MYOCOS: variants seen among roughly 807,000 people sequenced by gnomAD.
The protein encoded by MYOCOS is myocilin opposite strand protein.
chr1:171,612,470 C>G (rs1572203076), intron 1 of MYOCOS, among the ~76,000 whole-genome samples: 1 of 152,058 alleles, frequency 6.6e-6, no homozygotes, highest in Admixed American at 6.6e-5. Flanking sequence ...TGGGGGGAAG[C>G]AGAAAGACTT....
chr1:171,625,618 A>C (rs1363857803), intron 2 of MYOCOS, among the ~76,000 whole-genome samples: 1 of 152,158 alleles, frequency 6.6e-6, no homozygotes, highest in Non-Finnish European at 1.5e-5. Flanking sequence ...CCTGAGGAGG[A>C]TGGGGAGACT....
At chr1:171,617,883 G>T (rs541471262), upstream of MYOCOS, among the ~76,000 whole-genome samples, 1 of 152,310 alleles carries the variant, frequency 6.6e-6, no homozygotes, top group African/African-American at 2.4e-5. Flanking sequence ...TGCTGGAGTG[G>T]AAGGGTTGGC....
At chr1:171,623,708 G>A (rs1235036501) in intron 1 of MYOCOS, 133 bp from the exon 2 acceptor site, 3 of 395,612 alleles carry the variant, frequency 7.6e-6, no homozygotes, top group Middle Eastern at 6.3e-4. Context: ...GGGGGATGAA[G>A]GCCAGGCTGT....
At chr1:171,619,328 G>A (rs1652512010), upstream of MYOCOS, among the ~76,000 whole-genome samples, 1 of 152,136 alleles carries the variant, frequency 6.6e-6, no homozygotes, top group Non-Finnish European at 1.5e-5. Flanking sequence ...TAAGCTTCAT[G>A]TTTAGAGGTC....
intron 2 of MYOCOS, among the ~76,000 whole-genome samples, chr1:171,624,427 G>A (rs991312716): frequency 1.1e-4 from 14 of 128,418 alleles, no homozygotes; most frequent in South Asian, 2.7e-4. Flanking sequence ...GTGCCACCAC[G>A]TCTGGTTAAT....
chr1:171,617,288 T>C (rs1652467813), upstream of MYOCOS, among the ~76,000 whole-genome samples: 1 of 152,110 alleles, frequency 6.6e-6, no homozygotes, highest in Admixed American at 6.5e-5. Flanking sequence ...ACCCTGAGCA[T>C]GATAAGTGGT....
chr1:171,602,043 A>T (rs1055791890), intron 1 of MYOCOS, among the ~76,000 whole-genome samples: 7 of 144,660 alleles, frequency 4.8e-5, no homozygotes, highest in Non-Finnish European at 9.2e-5. Flanking sequence ...AGTTTGCTTT[A>T]AAAAAAAAAA....
At chr1:171,615,992 T>C (rs1246785137) in intron 2 of MYOCOS, among the ~76,000 whole-genome samples, 1 of 152,026 alleles carries the variant, frequency 6.6e-6, no homozygotes. Flanking sequence ...CCGAGGCAGG[T>C]GGATCACTTG....
chr1:171,625,886 T>C (rs539675421), intron 2 of MYOCOS, among the ~76,000 whole-genome samples: 3 of 151,970 alleles, frequency 2.0e-5, no homozygotes, highest in African/African-American at 7.2e-5. Flanking sequence ...GATGGAGGAG[T>C]GAGGGTGCAG....
chr1:171,610,475 C>T (rs780189561), intron 1 of MYOCOS, among the ~76,000 whole-genome samples: 3 of 152,092 alleles, frequency 2.0e-5, no homozygotes, highest in Non-Finnish European at 2.9e-5. Context: ...TTTAGAGTTC[C>T]GGAGGCTGGG....
At chr1:171,625,554 C>T (rs962320667) in intron 2 of MYOCOS, among the ~76,000 whole-genome samples, 4 of 152,206 alleles carry the variant, frequency 2.6e-5, no homozygotes, top group African/African-American at 7.2e-5. Context: ...AAATCTGAAC[C>T]TGTAAAAGCT....
upstream of MYOCOS, among the ~76,000 whole-genome samples, chr1:171,620,769 C>CTTTTTT (rs201016150): frequency 1.8e-5 from 2 of 108,180 alleles, no homozygotes; most frequent in African/African-American, 7.5e-5. Flanking sequence ...CTTTCTTTTT[C>CTTTTTT]TTTCTTTTTT....
chr1:171,626,888 C>T lies in MYOCOS; in HGVS notation c.*287C>T, dbSNP rs560465051. ...TTTAAATTAATAAACAGTTATCAGGCCTTGTTGTTTATTACTAAATCTGAA... is the reference window on the plus strand; with the variant it reads ...TTTAAATTAATAAACAGTTATCAGGTCTTGTTGTTTATTACTAAATCTGAA... On this transcript the variant is annotated 3_prime_UTR_variant, in exon 3 of 3. Coordinates refer to ENST00000637642, the MANE Select transcript of MYOCOS (RefSeq NM_001391940.1). 4.2e-6 allele frequency: 1 copy of T among 237,410 alleles called. No homozygotes were observed. The highest frequency in any genetic ancestry group is 8.0e-6 in the Non-Finnish European group (1 of 124,738). 14.7% of individuals were successfully genotyped at this position (237,410 alleles called of 1,614,324 possible). A position where few individuals can be genotyped will look rare whatever the true frequency, so the allele number is the denominator to read the frequency against.
In MYOCOS at chr1:171,626,732, A is replaced by G. The variant is rs1288390374; in HGVS notation, c.*131A>G. ...TTCCTATTTTTCTTCACCTAGAACC[A>G]CCATAGAGCATGGTTTACCCTTGCT... On this transcript the variant is annotated 3_prime_UTR_variant, in exon 3 of 3. Coordinates refer to ENST00000637642, the MANE Select transcript of MYOCOS (RefSeq NM_001391940.1). 1 of 396,850 alleles carries G rather than the reference A, an allele frequency of 2.5e-6. No homozygotes were observed. Among genetic ancestry groups the G allele is most frequent in the African/African-American group, 2.1e-5 (1 of 48,616 alleles). 24.6% of individuals were successfully genotyped at this position (396,850 alleles called of 1,614,324 possible).
At chr1:171,618,656 A>G (rs1418736267), upstream of MYOCOS, among the ~76,000 whole-genome samples, 1 of 151,260 alleles carries the variant, frequency 6.6e-6, no homozygotes, top group African/African-American at 2.4e-5. Context: ...GCTCACTGCA[A>G]CCTCCGCCTC....
At chr1:171,617,786 C>A (rs1652477769), upstream of MYOCOS, among the ~76,000 whole-genome samples, 1 of 151,962 alleles carries the variant, frequency 6.6e-6, no homozygotes, top group Admixed American at 6.6e-5. Flanking sequence ...TGAGAAAGAT[C>A]GAACAGAGAG....
At chr1:171,611,482 G>A (rs920695406) in intron 1 of MYOCOS, among the ~76,000 whole-genome samples, 5 of 152,120 alleles carry the variant, frequency 3.3e-5, no homozygotes, top group Non-Finnish European at 5.9e-5. Context: ...CACCTCCCAG[G>A]AACTTTGTGT....
Position 171,615,536 on chromosome 1 carries a change from T to C in MYOCOS, c.-44+531T>C, listed in dbSNP as rs1259397510. The stretch of plus-strand genomic sequence containing the variant: ...AAGACAGGCAGCCCGGTGCCAGGCC[T>C]GAAACCAGGCCTGGGCCTGCCTGGC... On this transcript the variant is annotated intron_variant, in intron 2 of 3. Transcript: ENST00000636697. Among the ~76,000 whole-genome samples, 8 of 152,162 alleles carry C rather than the reference T, an allele frequency of 5.3e-5. No individual in the cohort carries two copies. In the South Asian group the frequency reaches 1.2e-3, roughly 24 times the overall value.
intron 1 of MYOCOS, among the ~76,000 whole-genome samples, chr1:171,610,714 T>A (rs1341982054): frequency 6.6e-6 from 1 of 152,210 alleles, no homozygotes; most frequent in Non-Finnish European, 1.5e-5. Flanking sequence ...GCATTAGGGA[T>A]TACATTTCCA....
Sources: gnomAD v4.1 joint callset for allele counts (sites outside exome capture counted in the v4.1 genomes callset) on GRCh38, gnomAD v4.1.1 for gene constraint, MANE v1.5 for transcripts, NCBI Gene and HGNC (gene_info 2026-07-23, HGNC 2026-07-21) for gene names.